The following DLGAP2 variants were observed in gnomAD, a reference collection of about 807,000 sequenced individuals.
DLGAP2 encodes the protein disks large-associated protein 2.
Under a neutral mutation model 100.3 loss-of-function variants are expected in DLGAP2, and 26 were observed. That is an observed-to-expected ratio of 0.26 (90% confidence interval 0.19 to 0.36). The LOEUF (loss-of-function observed/expected upper bound fraction) is 0.36, where lower values mean the gene tolerates loss of function less well. Ranked by LOEUF, DLGAP2 falls within the 10% of genes least tolerant of loss-of-function variation. DLGAP2 has a pLI of 1.00. For missense variants in DLGAP2, 1,858 were observed against 1,453.2 expected (o/e 1.28, Z -4.53); for synonymous variants, 886 against 630.1 (o/e 1.41, Z -6.08).
intron 3 of DLGAP2, among the ~76,000 whole-genome samples, chr8:1,346,234 G>GTA (rs1801552253): frequency 6.8e-6 from 1 of 146,024 alleles, no homozygotes; most frequent in African/African-American, 2.5e-5. Context: ...TGAGTTCCCC[G>GTA]TACACATCTG....
intron 2 of DLGAP2, among the ~76,000 whole-genome samples, chr8:1,058,261 T>G (rs1016299663): frequency 6.6e-6 from 1 of 152,186 alleles, no homozygotes; most frequent in Admixed American, 6.5e-5. Context: ...AGACCTTCTT[T>G]TGGAGATGTT....
At chr8:1,174,823 A>G (rs1429431407) in intron 2 of DLGAP2, among the ~76,000 whole-genome samples, 3 of 152,158 alleles carry the variant, frequency 2.0e-5, no homozygotes, top group East Asian at 3.9e-4. Context: ...CATCATCTAG[A>G]CTATAGCAGC....
intron 1 of DLGAP2, among the ~76,000 whole-genome samples, chr8:904,971 C>T (rs548401293): frequency 1.3e-5 from 2 of 152,118 alleles, no homozygotes; most frequent in Non-Finnish European, 1.5e-5. Flanking sequence ...GTGCGGCAAG[C>T]GACGTGTGCT....
At chr8:853,272 G>A (rs1460836277) in intron 1 of DLGAP2, among the ~76,000 whole-genome samples, 1 of 152,188 alleles carries the variant, frequency 6.6e-6, no homozygotes, top group Non-Finnish European at 1.5e-5. Context: ...AGGGAAACGA[G>A]ATGGAAGCTT....
At chr8:962,865 A>G (rs1377089353) in intron 2 of DLGAP2, among the ~76,000 whole-genome samples, 1 of 152,178 alleles carries the variant, frequency 6.6e-6, no homozygotes, top group Admixed American at 6.5e-5. Flanking sequence ...CGTAGGATCC[A>G]TCTGTGGGTG....
chr8:879,862 A>T (rs1490537196), intron 1 of DLGAP2, among the ~76,000 whole-genome samples: 1 of 152,190 alleles, frequency 6.6e-6, no homozygotes, highest in Non-Finnish European at 1.5e-5. Flanking sequence ...TGTTACCTGG[A>T]CTGTCTTCTC....
At chr8:1,267,690 C>G (rs907711116) in intron 3 of DLGAP2, among the ~76,000 whole-genome samples, 1 of 151,988 alleles carries the variant, frequency 6.6e-6, no homozygotes, top group African/African-American at 2.4e-5. Flanking sequence ...TGATGAGACG[C>G]CCACGTCCTC....
At chr8:794,556 C>G (rs1031615152) in intron 1 of DLGAP2, among the ~76,000 whole-genome samples, 2 of 152,332 alleles carry the variant, frequency 1.3e-5, no homozygotes, top group East Asian at 3.9e-4. Flanking sequence ...GTCTTTAAAG[C>G]ACAGATCACT....
At chr8:1,356,620 C>G (rs574323649) in intron 3 of DLGAP2, among the ~76,000 whole-genome samples, 1 of 152,044 alleles carries the variant, frequency 6.6e-6, no homozygotes, top group South Asian at 2.1e-4. Flanking sequence ...TGGCAAAGTA[C>G]GAGGGGAAAA....
At chr8:1,563,368 G>T in intron 5 of DLGAP2, among the ~76,000 whole-genome samples, 1 of 52,302 alleles carries the variant, frequency 1.9e-5, no homozygotes, top group East Asian at 6.4e-4. Context: ...TCATTACTGG[G>T]GGGCTGTGTG....
chr8:1,321,165 G>A (rs1393827676), intron 3 of DLGAP2, among the ~76,000 whole-genome samples: 2 of 152,002 alleles, frequency 1.3e-5, no homozygotes, highest in Non-Finnish European at 2.9e-5. Context: ...GTGCCCGTAT[G>A]TGTCTGCGTC....
chr8:1,187,624 A>T (rs1797538234), intron 2 of DLGAP2, among the ~76,000 whole-genome samples: 2 of 128,472 alleles, frequency 1.6e-5, no homozygotes. Flanking sequence ...CACACCCAGG[A>T]CCTCCGTGAC....
chr8:1,346,302 T>C (rs1352742777), intron 3 of DLGAP2, among the ~76,000 whole-genome samples: 1 of 151,728 alleles, frequency 6.6e-6, no homozygotes, highest in African/African-American at 2.4e-5. Context: ...TGCATTGCTC[T>C]CATGGTAGCT....
intron 3 of DLGAP2, among the ~76,000 whole-genome samples, chr8:1,383,928 C>G (rs1260362909): frequency 6.6e-6 from 1 of 152,194 alleles, no homozygotes; most frequent in Non-Finnish European, 1.5e-5. Flanking sequence ...CACTCCCATT[C>G]TCTTCTCCGA....
At position 1,577,297 on chromosome 8, in the gene DLGAP2, G is replaced by T. The variant is rs142905178; in HGVS notation, c.1442+11403G>T. ...AAAAATTTTTTAAGGGGCTGGGCGCGGTGGCTCATGCCTGTAATCCCAGCA... is the reference window on the plus strand; with the variant it reads ...AAAAATTTTTTAAGGGGCTGGGCGCTGTGGCTCATGCCTGTAATCCCAGCA... On this transcript the variant is annotated intron_variant, in intron 6 of 14. Transcript: ENST00000637795. 7.2e-5 allele frequency among the ~76,000 whole-genome samples: 11 copies of T among 152,192 alleles called. No homozygotes were observed. In the South Asian group the frequency reaches 1.7e-3, roughly 23 times the overall value.
chr8:1,244,586 A>G (rs1170324868), intron 2 of DLGAP2, among the ~76,000 whole-genome samples: 1 of 124,818 alleles, frequency 8.0e-6, no homozygotes, highest in East Asian at 2.4e-4. Context: ...GCAACTGGAC[A>G]CCCACAGGCA....
At chr8:1,550,704 A>G (rs1801736735) in intron 5 of DLGAP2, among the ~76,000 whole-genome samples, 1 of 152,188 alleles carries the variant, frequency 6.6e-6, no homozygotes, top group African/African-American at 2.4e-5. Flanking sequence ...GAGCTGGCAT[A>G]TTGCAGAATT....
At chr8:1,273,995 C>G (rs1488929674) in intron 3 of DLGAP2, among the ~76,000 whole-genome samples, 1 of 152,100 alleles carries the variant, frequency 6.6e-6, no homozygotes, top group Non-Finnish European at 1.5e-5. Context: ...CATTCAGTAA[C>G]CATTTTTCAT....
At chr8:1,606,438 C>G (rs560798280) in intron 6 of DLGAP2, among the ~76,000 whole-genome samples, 2 of 152,264 alleles carry the variant, frequency 1.3e-5, no homozygotes, top group South Asian at 4.1e-4. Context: ...CCCTGGCAAC[C>G]ACGAACCTGC....
Sources: gnomAD v4.1 joint callset for allele counts (sites outside exome capture counted in the v4.1 genomes callset) on GRCh38, gnomAD v4.1.1 for gene constraint, MANE v1.5 for transcripts, NCBI Gene and HGNC (gene_info 2026-07-23, HGNC 2026-07-21) for gene names.